Variants in TNFRSF11A observed in about 807,000 individuals in gnomAD.
TNFRSF11A encodes tumor necrosis factor receptor superfamily member 11A.
Under a neutral mutation model 55.7 loss-of-function variants are expected in TNFRSF11A, and 32 were observed. The ratio of observed to expected loss-of-function variants is 0.57; its 90% CI spans 0.43 to 0.77. The LOEUF (loss-of-function observed/expected upper bound fraction) is 0.77, where lower values mean the gene tolerates loss of function less well. Ranked by LOEUF, TNFRSF11A falls within the 30% of genes least tolerant of loss-of-function variation. The pLI is 0.00. For synonymous variants in TNFRSF11A, 311 were observed against 331.0 expected (o/e 0.94, Z 0.65); for missense variants, 753 against 809.8 (o/e 0.93, Z 0.85).
intron 9 of TNFRSF11A, among the ~76,000 whole-genome samples, chr18:62,373,366 G>C (rs906976380): frequency 6.6e-6 from 1 of 152,166 alleles, no homozygotes; most frequent in Middle Eastern, 3.2e-3. Flanking sequence ...AGCTGAGGCA[G>C]GAGAATTGCT....
At chr18:62,351,412 T>G (rs1211603451) in intron 3 of TNFRSF11A, among the ~76,000 whole-genome samples, 1 of 152,260 alleles carries the variant, frequency 6.6e-6, no homozygotes, top group Non-Finnish European at 1.5e-5. Flanking sequence ...GTGGCAAACT[T>G]CATATATAAT....
intron 4 of TNFRSF11A, 200 bp from the exon 5 acceptor site, chr18:62,358,048 T>C: frequency 1.7e-6 from 1 of 592,160 alleles, no homozygotes; most frequent in South Asian, 1.9e-5. Context: ...ACTGCTGGGG[T>C]CAGAACTGCT....
At position 62,348,756 on chromosome 18, in the gene TNFRSF11A, G is replaced by A. The variant is rs140205273; in HGVS notation, c.157+507G>A. On this transcript the variant is annotated intron_variant, in intron 2 of 9. Transcript: ENST00000586569. ...CCCCAAGTTGTTCTGCCAGAAGTGT[G>A]GCTGACTATTTCTGCAGCCCCAGTG... 4.2e-3 allele frequency among the ~76,000 whole-genome samples: 638 copies of A among 152,354 alleles called. 7 individuals carry two copies. Among genetic ancestry groups the A allele is most frequent in the African/African-American group, 0.014 (580 of 41,576 alleles).
At chr18:62,357,959 G>A (rs1909385312) in intron 4 of TNFRSF11A, 1 of 417,958 alleles carries the variant, frequency 2.4e-6, no homozygotes, top group Non-Finnish European at 4.5e-6. Flanking sequence ...ACCAGAGCTA[G>A]CCTGACCTGG....
intron 3 of TNFRSF11A, among the ~76,000 whole-genome samples, chr18:62,353,597 A>T (rs1672783605): frequency 6.6e-6 from 1 of 152,042 alleles, no homozygotes; most frequent in African/African-American, 2.4e-5. Context: ...TTTGGGGTGC[A>T]AATAAATTTT....
chr18:62,343,334 A>G (rs543654385), intron 1 of TNFRSF11A, among the ~76,000 whole-genome samples: 1 of 152,370 alleles, frequency 6.6e-6, no homozygotes, highest in Non-Finnish European at 1.5e-5. Flanking sequence ...GTTCGATGTC[A>G]GCATGAATTT....
At chr18:62,351,997 G>A (rs191554065) in intron 3 of TNFRSF11A, among the ~76,000 whole-genome samples, 5 of 152,118 alleles carry the variant, frequency 3.3e-5, no homozygotes, top group East Asian at 1.9e-4. Context: ...GCGTTTCACC[G>A]TGTGTCCAGG....
At position 62,383,967 on chromosome 18, in the gene TNFRSF11A, G is replaced by A. The variant is rs576103020; in HGVS notation, c.1568-784G>A. ...GACCATGAGGAACCAAGGCACCCAC[G>A]GTGATGGGGCCTCAGATGTGAGTCC... On this transcript the variant is annotated intron_variant, in intron 9 of 9. Coordinates refer to ENST00000586569, the MANE Select transcript of TNFRSF11A (RefSeq NM_003839.4). This position sits in a 1 kb window ranked among gnomAD's most constrained non-coding sequence, Gnocchi z 4.2. 3.9e-5 allele frequency among the ~76,000 whole-genome samples: 6 copies of A among 151,992 alleles called. No individual in the cohort carries two copies. Among genetic ancestry groups the A allele is most frequent in the East Asian group, 3.9e-4 (2 of 5,164 alleles).
At chr18:62,328,482 G>A (rs991746055) in intron 1 of TNFRSF11A, among the ~76,000 whole-genome samples, 13 of 152,058 alleles carry the variant, frequency 8.5e-5, no homozygotes, top group Middle Eastern at 6.8e-3. Context: ...ACCTAATTCA[G>A]GAAACCCCCA....
intron 7 of TNFRSF11A, among the ~76,000 whole-genome samples, chr18:62,365,799 T>C (rs1207422233): frequency 6.6e-6 from 1 of 152,010 alleles, no homozygotes; most frequent in Non-Finnish European, 1.5e-5. Flanking sequence ...CTTTATTTTT[T>C]ATTTTTTATT....
chr18:62,356,732 C>T (rs939697069), intron 4 of TNFRSF11A, among the ~76,000 whole-genome samples: 5 of 152,240 alleles, frequency 3.3e-5, no homozygotes, highest in African/African-American at 1.2e-4. Flanking sequence ...CCAATGTCCA[C>T]TTGTCACCTC....
At chr18:62,352,179 T>G (rs759695389) in intron 3 of TNFRSF11A, among the ~76,000 whole-genome samples, 16 of 152,250 alleles carry the variant, frequency 1.1e-4, no homozygotes, top group Non-Finnish European at 1.9e-4. Context: ...AGGCATCTAT[T>G]GCTTCCATGC....
chr18:62,338,150 A>G (rs1441959053), intron 1 of TNFRSF11A, among the ~76,000 whole-genome samples: 2 of 152,202 alleles, frequency 1.3e-5, no homozygotes, highest in African/African-American at 4.8e-5. Context: ...TATTTTAAAA[A>G]CCAAAAACCA....
intron 9 of TNFRSF11A, among the ~76,000 whole-genome samples, chr18:62,370,950 C>T (rs1330643570): frequency 1.3e-5 from 2 of 152,084 alleles, no homozygotes; most frequent in Non-Finnish European, 2.9e-5. Flanking sequence ...CTGCCTCAGC[C>T]TCCCGAGTGG....
rs777692084 is a variant in TNFRSF11A at position 62,354,516 on chromosome 18, C to T, written c.409C>T (p.Leu137=). Residue 137 remains leucine, a synonymous_variant, in exon 4 of 10, where the codon CTG becomes TTG. Transcript: ENST00000586569. ...CCGCAACACCGAGTGCGCGCCGGGC[C>T]TGGGCGCCCAGCACCCGTGTACGGG... ...CRRNTECAPG[L]GAQHPLQLNK... is the part of the protein sequence containing the mutation. 5 of 1,602,864 alleles carry T rather than the reference C, an allele frequency of 3.1e-6. No individual in the cohort carries two copies. The highest frequency in any genetic ancestry group is 3.4e-6 in the Non-Finnish European group (4 of 1,179,324).
chr18:62,364,576 T>A (rs927400169), intron 7 of TNFRSF11A, among the ~76,000 whole-genome samples: 17 of 152,246 alleles, frequency 1.1e-4, no homozygotes, highest in African/African-American at 3.9e-4. Flanking sequence ...TTAGTGCCAT[T>A]TGTGATTGTC....
chr18:62,367,846 T>G (rs186838025), intron 8 of TNFRSF11A, among the ~76,000 whole-genome samples: 1 of 139,620 alleles, frequency 7.2e-6, no homozygotes, highest in Non-Finnish European at 1.5e-5. Flanking sequence ...CAGGCTTGAG[T>G]GCAATGGCGC....
chr18:62,336,168 A>G (rs1328750527), intron 1 of TNFRSF11A: 2 of 152,198 alleles, frequency 1.3e-5, no homozygotes, highest in Non-Finnish European at 2.9e-5. Context: ...AATAGGAGAA[A>G]GTCCTGGTTT....
Position 62,385,137 on chromosome 18 carries a change from G to C in TNFRSF11A, c.*103G>C. On this transcript the variant is annotated 3_prime_UTR_variant, in exon 10 of 10. Transcript: ENST00000586569. ...GGCCACCCAGGGATCGATCGGTACA[G>C]TCGAGGAAGACCACCCGGCATTCTC... 1 of 1,284,152 alleles carries C rather than the reference G, an allele frequency of 7.8e-7. No individual in the cohort carries two copies. Among genetic ancestry groups the C allele is most frequent in the South Asian group, 1.9e-5 (1 of 53,984 alleles). 79.5% of individuals were successfully genotyped at this position (1,284,152 alleles called of 1,614,324 possible).
Sources: allele counts gnomAD v4.1 joint callset (sites outside exome capture counted in the v4.1 genomes callset), GRCh38; gene constraint gnomAD v4.1.1; non-coding constraint Gnocchi (gnomAD v3.1); transcripts MANE v1.5; gene names NCBI Gene and HGNC (gene_info 2026-07-23, HGNC 2026-07-21).